Variants in KIAA2012 observed in about 807,000 individuals in gnomAD.
KIAA2012 encodes the protein uncharacterized protein KIAA2012.
A neutral mutation model predicts 150.6 loss-of-function variants in KIAA2012; 125 were observed. The observed-to-expected ratio is 0.83, with a 90% CI of 0.72 to 0.96. The LOEUF (loss-of-function observed/expected upper bound fraction) is 0.96, where lower values mean the gene tolerates loss of function less well. Ranked by LOEUF, KIAA2012 falls within the 40% of genes least tolerant of loss-of-function variation. The pLI, the probability that KIAA2012 is intolerant of heterozygous loss-of-function variation, is 0.00. For missense variants in KIAA2012, 1,219 were observed against 1,354.9 expected, an observed-to-expected ratio of 0.90 and a Z score of 1.57; for synonymous variants, 462 against 504.7, an observed-to-expected ratio of 0.92 and a Z score of 1.13.
Position 202,184,733 on chromosome 2 carries a change from T to C in KIAA2012, c.2120-20T>C, listed in dbSNP as rs1318385894. The C allele has an allele frequency of 9.3e-6, 14 of 1,503,470 alleles. No individual in the cohort carries two copies. Among genetic ancestry groups the C allele is most frequent in the South Asian group, 1.3e-5 (1 of 77,726 alleles). 93.1% of individuals were successfully genotyped at this position (1,503,470 alleles called of 1,614,324 possible). ...ATAACTGCCTGTTGTCCTTTATTGA[T>C]TGATACTCTGTTTTCACAGACCCAG... On this transcript the variant is annotated intron_variant, in intron 15 of 23. Transcript: ENST00000498697.
At chr2:202,194,532 A>C (rs564424520) in intron 21 of KIAA2012, among the ~76,000 whole-genome samples, 170 bp downstream of exon 21, 4 of 152,344 alleles carry the variant, frequency 2.6e-5, no homozygotes, top group African/African-American at 9.6e-5. Context: ...TTGTTAATAT[A>C]GATTTAAATA....
chr2:202,171,718 G>A (rs1029721921), intron 15 of KIAA2012, among the ~76,000 whole-genome samples: 5 of 152,220 alleles, frequency 3.3e-5, no homozygotes, highest in African/African-American at 1.2e-4. Context: ...AGTCCCTGGG[G>A]AGAAGGCAGG....
chr2:202,195,591 T>C (rs1692398822), intron 21 of KIAA2012, among the ~76,000 whole-genome samples: 1 of 152,102 alleles, frequency 6.6e-6, no homozygotes, highest in Admixed American at 6.5e-5. Context: ...TTGTTACAGT[T>C]GCCTACAGTG....
chr2:202,190,439 T>G lies in KIAA2012; in HGVS notation c.2757T>G (p.Thr919=). The change falls in exon 19 of 24, where the codon ACT becomes ACG. Residue 919 remains threonine (T), a synonymous_variant. Transcript: ENST00000498697. ...GATCATCACCCTCTCAGATTGCAACTGTCACTGGCAACATGGAATCTAAAG... is the reference window on the plus strand; with the variant it reads ...GATCATCACCCTCTCAGATTGCAACGGTCACTGGCAACATGGAATCTAAAG... The part of the protein sequence containing the change: ...DGRSSPSQIA[T]VTGNMESKEE... 1 of 1,547,890 alleles carries G rather than the reference T, an allele frequency of 6.5e-7. No individual in the cohort carries two copies. Among genetic ancestry groups the G allele is most frequent in the Non-Finnish European group, 8.7e-7 (1 of 1,145,364 alleles).
chr2:202,161,387 T>C (rs1237221422), intron 14 of KIAA2012, among the ~76,000 whole-genome samples: 1 of 152,204 alleles, frequency 6.6e-6, no homozygotes, highest in Non-Finnish European at 1.5e-5. Flanking sequence ...TGTGTCCCCA[T>C]TGGCCCTCTG....
chr2:202,122,021 G>C (rs186968475), intron 11 of KIAA2012, among the ~76,000 whole-genome samples: 4 of 152,338 alleles, frequency 2.6e-5, no homozygotes, highest in African/African-American at 9.6e-5. Context: ...TGAACAAAAA[G>C]AGGAACGTAG....
At chr2:202,194,489 C>CT (rs1692377832) in intron 21 of KIAA2012, 127 bp downstream of exon 21, 2 of 801,850 alleles carry the variant, frequency 2.5e-6, no homozygotes, top group Middle Eastern at 4.2e-4. Flanking sequence ...ATAATATAAA[C>CT]TATTTTTCAA....
Position 202,193,395 on chromosome 2 carries a change from G to A in KIAA2012, c.2906G>A (p.Arg969Lys), listed in dbSNP as rs1233329488. ...AGGTGGCTGGAGGTGGAGAAGAAGA[G>A]AAGGGAGCAGGAAGAGCAAAGGCAG... ...EMRWLEVEKK[R>K]REQEEQRQLQ... The change falls in exon 20 of 24, where the codon AGA becomes AAA. Residue 969 changes from arginine to lysine, a missense_variant. Physicochemically the swap from Arg to Lys is conservative, Grantham distance 26. Transcript: ENST00000498697. 1 of 1,550,404 alleles carries A rather than the reference G, an allele frequency of 6.4e-7. No homozygotes were observed. The highest frequency in any genetic ancestry group is 2.0e-5 in the Admixed American group (1 of 50,992).
chr2:202,164,102 GAC>G (rs764365453), intron 14 of KIAA2012, among the ~76,000 whole-genome samples: 102 of 152,230 alleles, frequency 6.7e-4, no homozygotes, highest in Admixed American at 9.8e-4. Context: ...AACCCGGAGA[GAC>G]TTCCAGGACC....
At chr2:202,167,387 C>T (rs944938610) in intron 15 of KIAA2012, among the ~76,000 whole-genome samples, 58 of 152,288 alleles carry the variant, frequency 3.8e-4, no homozygotes, top group African/African-American at 1.3e-3. Context: ...TGAGGCCTGA[C>T]GATTTGCATT....
intron 13 of KIAA2012, among the ~76,000 whole-genome samples, chr2:202,146,495 G>T (rs2105948327): frequency 6.6e-6 from 1 of 152,166 alleles, no homozygotes; most frequent in South Asian, 2.1e-4. Flanking sequence ...AGCCAGGTGT[G>T]GTAGTACTCA....
intron 16 of KIAA2012, 109 bp downstream of exon 16, chr2:202,184,952 G>T: frequency 1.3e-6 from 1 of 775,770 alleles, no homozygotes; most frequent in Non-Finnish European, 2.0e-6. Context: ...GTTCTCAGCT[G>T]ACAGTATGCT....
At chr2:202,085,409 A>C (rs1689539903) in intron 2 of KIAA2012, among the ~76,000 whole-genome samples, 1 of 152,206 alleles carries the variant, frequency 6.6e-6, no homozygotes, top group Non-Finnish European at 1.5e-5. Flanking sequence ...TAAAAGCAGA[A>C]GAAGGAATCA....
At chr2:202,085,128 G>A (rs1521882) in intron 2 of KIAA2012, among the ~76,000 whole-genome samples, 124,960 of 152,194 alleles carry the variant, frequency 0.82, 51,531 homozygotes, top group African/African-American at 0.86. Flanking sequence ...AGTTTATCCA[G>A]TGAGATGGGA....
At chr2:202,201,463 T>C (rs1315532610) in intron 22 of KIAA2012, 5 of 1,594,154 alleles carry the variant, frequency 3.1e-6, no homozygotes, top group Non-Finnish European at 4.3e-6. Flanking sequence ...GCTGCCTGCA[T>C]GACTGCAAGC....
intron 14 of KIAA2012, among the ~76,000 whole-genome samples, chr2:202,156,734 A>C (rs1021168721): frequency 6.6e-6 from 1 of 152,020 alleles, no homozygotes; most frequent in African/African-American, 2.4e-5. Context: ...AAATACAAAA[A>C]ATTAGCCGGG....
At chr2:202,175,276 T>G (rs970160981) in intron 15 of KIAA2012, among the ~76,000 whole-genome samples, 12 of 152,228 alleles carry the variant, frequency 7.9e-5, no homozygotes, top group African/African-American at 2.9e-4. Context: ...CCGGTTTGGT[T>G]TGGTTTTTCC....
chr2:202,193,403 C>G lies in KIAA2012; in HGVS notation c.2914C>G (p.Gln972Glu), dbSNP rs998988911. Reference sequence around the variant, plus strand: ...GGAGGTGGAGAAGAAGAGAAGGGAGCAGGAAGAGCAAAGGCAGCTCCAGCA... The same window carrying G: ...GGAGGTGGAGAAGAAGAGAAGGGAGGAGGAAGAGCAAAGGCAGCTCCAGCA... Reference protein sequence around the residue: ...WLEVEKKRREQEEQRQLQQEQ... With the variant: ...WLEVEKKRREEEEQRQLQQEQ... The change falls in exon 20 of 24, where the codon CAG (glutamine) becomes GAG (glutamate). Residue 972 changes from glutamine (Q) to glutamate (E), a missense_variant. By Grantham distance (29) the Gln-to-Glu change is conservative (BLOSUM62 2). Transcript: ENST00000498697. The G allele has an allele frequency of 1.3e-6, 2 of 1,550,152 alleles. No individual in the cohort carries two copies. Among genetic ancestry groups the G allele is most frequent in the African/African-American group, 1.4e-5 (1 of 72,956 alleles).
chr2:202,163,104 C>T (rs201213638), intron 14 of KIAA2012, among the ~76,000 whole-genome samples: 8 of 130,242 alleles, frequency 6.1e-5, no homozygotes, highest in African/African-American at 1.4e-4. Flanking sequence ...CATGTATATT[C>T]TTTTTTTTTT....
Sources: allele counts gnomAD v4.1 joint callset (sites outside exome capture counted in the v4.1 genomes callset), GRCh38; gene constraint gnomAD v4.1.1; transcripts MANE v1.5; gene names NCBI Gene and HGNC (gene_info 2026-07-23, HGNC 2026-07-21).